The following IL19 variants were observed in gnomAD, a reference collection of about 807,000 sequenced individuals.
IL19 encodes interleukin-19.
Under a neutral mutation model 19.5 loss-of-function variants are expected in IL19, and 15 were observed. The ratio of observed to expected loss-of-function variants is 0.77; its 90% CI spans 0.52 to 1.19. The LOEUF (loss-of-function observed/expected upper bound fraction) is 1.19. IL19 is among the 50% of genes most tolerant of loss of function. The pLI is 0.00. For missense variants in IL19, 199 were observed against 213.1 expected, an observed-to-expected ratio of 0.93 and a Z score of 0.41; for synonymous variants, 78 against 78.3, an observed-to-expected ratio of 1.00 and a Z score of 0.02.
intron 1 of IL19, among the ~76,000 whole-genome samples, chr1:206,797,490 T>G (rs75942788): frequency 6.6e-6 from 1 of 152,128 alleles, no homozygotes; most frequent in African/African-American, 2.4e-5. Flanking sequence ...TAGCTTATCC[T>G]GAGCCCTTTA....
At chr1:206,836,571 T>C (rs1253377424) in intron 2 of IL19, 90 bp from the exon 3 acceptor site, 1 of 1,258,934 alleles carries the variant, frequency 7.9e-7, no homozygotes. Context: ...CGGCTTGCCT[T>C]CGAGGCTGGA....
At chr1:206,809,275 T>A (rs930852449) in intron 2 of IL19, among the ~76,000 whole-genome samples, 1 of 152,194 alleles carries the variant, frequency 6.6e-6, no homozygotes, top group African/African-American at 2.4e-5. Flanking sequence ...AAGGAAGGGA[T>A]AATAATGCAT....
chr1:206,797,291 C>CTAGAAT (rs1192536265), intron 1 of IL19, among the ~76,000 whole-genome samples: 5 of 151,216 alleles, frequency 3.3e-5, no homozygotes, highest in Non-Finnish European at 7.4e-5. Flanking sequence ...GTGTAGAATT[C>CTAGAAT]TCAGGCAGGA....
intron 4 of IL19, among the ~76,000 whole-genome samples, chr1:206,837,533 C>T (rs1422461781): frequency 6.6e-6 from 1 of 152,064 alleles, no homozygotes; most frequent in South Asian, 2.1e-4. Context: ...TCCCTGGAGC[C>T]AGGCTGAGCC....
intron 2 of IL19, among the ~76,000 whole-genome samples, chr1:206,807,003 C>T (rs1385526789): frequency 6.6e-6 from 1 of 152,146 alleles, no homozygotes; most frequent in Non-Finnish European, 1.5e-5. Context: ...GACTCACAGT[C>T]CTGCAGGGCT....
In IL19 at chr1:206,770,988, C is replaced by T. The variant is rs1220388430; in HGVS notation, c.-239C>T. ...GCGCCTTGATGTCTGGGTCTTGGTTCTCAGCTTGGGGCATCACCTCCTCCA... is the reference window on the plus strand; with the variant it reads ...GCGCCTTGATGTCTGGGTCTTGGTTTTCAGCTTGGGGCATCACCTCCTCCA... On this transcript the variant is annotated 5_prime_UTR_variant, in exon 1 of 7. Coordinates refer to ENST00000659997, the MANE Select transcript of IL19 (RefSeq NM_153758.5). The T allele has an allele frequency of 1.2e-6, 2 of 1,614,038 alleles. No homozygotes were observed. Among genetic ancestry groups the T allele is most frequent in the Non-Finnish European group, 1.7e-6 (2 of 1,180,012 alleles).
At chr1:206,806,940 G>T (rs138415231) in intron 2 of IL19, among the ~76,000 whole-genome samples, 8 of 152,276 alleles carry the variant, frequency 5.3e-5, no homozygotes, top group Admixed American at 2.0e-4. Context: ...TTCTCCCACT[G>T]CTATAAAAAC....
rs1362531736 is a variant in IL19 at position 206,837,321 on chromosome 1, C to G, written c.210+298C>G. Among the ~76,000 whole-genome samples, 3 of 151,892 alleles carry G rather than the reference C, an allele frequency of 2.0e-5. No individual in the cohort carries two copies. The East Asian group carries it at 5.8e-4, about 29-fold the overall frequency. On this transcript the variant is annotated intron_variant, in intron 4 of 6. Coordinates refer to ENST00000659997, the MANE Select transcript of IL19 (RefSeq NM_153758.5). ...ATTTTGGAAGGTCCCATGGAGGTAG[C>G]TAAGAAAACAAACGGTGACTTAACC... is the stretch of plus-strand genomic sequence containing the variant.
At chr1:206,823,214 C>A (rs181152829) in intron 2 of IL19, among the ~76,000 whole-genome samples, 1 of 152,034 alleles carries the variant, frequency 6.6e-6, no homozygotes, top group Non-Finnish European at 1.5e-5. Flanking sequence ...CATATGCCAC[C>A]GCACCTGGCC....
intron 2 of IL19, among the ~76,000 whole-genome samples, chr1:206,807,726 G>A (rs1223979536): frequency 6.6e-6 from 1 of 152,098 alleles, no homozygotes; most frequent in Non-Finnish European, 1.5e-5. Context: ...CAAAAGCAGG[G>A]ACCATGTTTA....
At position 206,840,561 on chromosome 1, in the gene IL19, A is replaced by C. The variant is rs1466321146; in HGVS notation, c.364-443A>C. On this transcript the variant is annotated intron_variant, in intron 5 of 6. Coordinates refer to ENST00000659997, the MANE Select transcript of IL19 (RefSeq NM_153758.5). Reference sequence around the variant, plus strand: ...TCACCTCTCTGTGCCTCGGATTCTAAAATTGTTAGAAGAGTTGATGGCCCC... The same window carrying C: ...TCACCTCTCTGTGCCTCGGATTCTACAATTGTTAGAAGAGTTGATGGCCCC... The C allele has an allele frequency of 1.8e-4, 36 of 204,456 alleles. 2 individuals are homozygous for C. Among genetic ancestry groups the C allele is most frequent in the Non-Finnish European group, 1.0e-5 (1 of 99,610 alleles). The allele number at this position is 204,456 out of a possible 1,614,324, so 12.7% of individuals were successfully genotyped here. A position where few individuals can be genotyped will look rare whatever the true frequency, so the allele number is the denominator to read the frequency against.
chr1:206,782,144 A>C (rs1675163748), intron 1 of IL19, among the ~76,000 whole-genome samples: 1 of 151,686 alleles, frequency 6.6e-6, no homozygotes, highest in Non-Finnish European at 1.5e-5. Flanking sequence ...TAAAGTCATA[A>C]ACAATAATAA....
intron 1 of IL19, among the ~76,000 whole-genome samples, chr1:206,784,534 T>C (rs1424829635): frequency 6.6e-6 from 1 of 152,196 alleles, no homozygotes; most frequent in East Asian, 1.9e-4. Context: ...CTTCTCGCAA[T>C]CCTGGCCCCC....
intron 2 of IL19, among the ~76,000 whole-genome samples, chr1:206,813,001 G>A (rs776793889): frequency 3.9e-5 from 6 of 152,114 alleles, no homozygotes; most frequent in South Asian, 4.1e-4. Flanking sequence ...GGTGATGCTC[G>A]CCTGTTTTAT....
chr1:206,834,521 G>A (rs1310082511), intron 2 of IL19: 3 of 836,580 alleles, frequency 3.6e-6, no homozygotes, highest in Non-Finnish European at 4.3e-6. Flanking sequence ...TCCAGATGCT[G>A]GGCATTTGGT....
At chr1:206,812,790 G>A (rs1676046937) in intron 2 of IL19, among the ~76,000 whole-genome samples, 1 of 152,088 alleles carries the variant, frequency 6.6e-6, no homozygotes, top group South Asian at 2.1e-4. Context: ...TGACTAGTTA[G>A]TTGCTTACTG....
At chr1:206,792,664 C>T (rs559239112) in intron 1 of IL19, among the ~76,000 whole-genome samples, 1 of 152,244 alleles carries the variant, frequency 6.6e-6, no homozygotes, top group East Asian at 1.9e-4. Flanking sequence ...ACCATGTTGG[C>T]CAGGATGGTC....
intron 1 of IL19, chr1:206,772,466 G>C: frequency 4.3e-6 from 7 of 1,612,248 alleles, no homozygotes; most frequent in South Asian, 1.1e-5. Context: ...CTTGTGGTTT[G>C]GTTTTGCAAG....
intron 1 of IL19, among the ~76,000 whole-genome samples, chr1:206,781,685 A>G (rs1435051236): frequency 1.3e-5 from 2 of 150,846 alleles, no homozygotes; most frequent in African/African-American, 4.9e-5. Context: ...CTCTTAGCTC[A>G]TAGACTAAGG....
Sources: allele counts gnomAD v4.1 joint callset (sites outside exome capture counted in the v4.1 genomes callset), GRCh38; gene constraint gnomAD v4.1.1; transcripts MANE v1.5; gene names NCBI Gene and HGNC (gene_info 2026-07-23, HGNC 2026-07-21).